The following PTGFR variants were observed in gnomAD, a reference collection of about 807,000 sequenced individuals.
PTGFR encodes the protein prostaglandin F2-alpha receptor.
Under a neutral mutation model 26.2 loss-of-function variants are expected in PTGFR, and 15 were observed. The ratio of observed to expected loss-of-function variants is 0.57; its 90% confidence interval spans 0.38 to 0.88. The LOEUF (loss-of-function observed/expected upper bound fraction) is 0.88, where lower values mean the gene tolerates loss of function less well. Among genes scored for constraint, PTGFR ranks in the 40% least tolerant of loss-of-function variants. The probability of loss-of-function intolerance (pLI) is 0.00; values close to 1 mark genes in which losing one functional copy is unlikely to be tolerated. For missense variants in PTGFR, 369 were observed against 427.2 expected (o/e 0.86, Z 1.20); for synonymous variants, 165 against 151.1 (o/e 1.09, Z -0.68).
At position 78,539,195 on chromosome 1, in the gene PTGFR, T is replaced by C. The variant is rs1650733340; in HGVS notation, c.*2508T>C. 1 of 151,888 alleles carries C rather than the reference T, an allele frequency of 6.6e-6. No individual in the cohort carries two copies. The highest frequency in any genetic ancestry group is 1.5e-5 in the Non-Finnish European group (1 of 67,942). The allele number at this position is 151,888 out of a possible 1,614,324, so 9.4% of individuals were successfully genotyped here. A position where few individuals can be genotyped will look rare whatever the true frequency, so the allele number is the denominator to read the frequency against. ...AGAGGCAGAAAGTTACTTCTAATGATCTATATAGCTAAAACGAAAAATACC... is the reference window on the plus strand; with the variant it reads ...AGAGGCAGAAAGTTACTTCTAATGACCTATATAGCTAAAACGAAAAATACC... On this transcript the variant is annotated 3_prime_UTR_variant, in exon 3 of 3. Coordinates refer to ENST00000370757, the MANE Select transcript of PTGFR (RefSeq NM_000959.4).
intron 2 of PTGFR, among the ~76,000 whole-genome samples, chr1:78,519,246 T>C (rs1650168022): frequency 6.6e-6 from 1 of 152,132 alleles, no homozygotes; most frequent in South Asian, 2.1e-4. Flanking sequence ...TAAGTTCATA[T>C]AGCCTATTGT....
chr1:78,524,881 G>T (rs1043533651), intron 2 of PTGFR, among the ~76,000 whole-genome samples: 3 of 135,982 alleles, frequency 2.2e-5, no homozygotes, highest in Non-Finnish European at 3.1e-5. Flanking sequence ...TTCATCTAAA[G>T]CTCTACACTT....
intron 2 of PTGFR, among the ~76,000 whole-genome samples, chr1:78,522,398 A>G (rs1057014163): frequency 7.9e-5 from 12 of 152,078 alleles, no homozygotes; most frequent in African/African-American, 2.7e-4. Flanking sequence ...ATATCTCATT[A>G]TATTCACAGG....
At chr1:78,492,260 G>C (rs1042212831) in intron 1 of PTGFR, among the ~76,000 whole-genome samples, 2 of 152,206 alleles carry the variant, frequency 1.3e-5, no homozygotes, top group Non-Finnish European at 2.9e-5. Flanking sequence ...TGGGGGCAAA[G>C]CCCACCAGAG....
At chr1:78,517,531 C>A (rs1316429704) in intron 2 of PTGFR, among the ~76,000 whole-genome samples, 1 of 152,088 alleles carries the variant, frequency 6.6e-6, no homozygotes, top group Non-Finnish European at 1.5e-5. Context: ...AAGGAGCCAG[C>A]CATGGGAAAT....
intron 2 of PTGFR, among the ~76,000 whole-genome samples, chr1:78,523,204 T>A (rs1488972673): frequency 6.6e-6 from 1 of 152,040 alleles, no homozygotes; most frequent in South Asian, 2.1e-4. Context: ...GTACACTATT[T>A]TTATTTGATT....
intron 2 of PTGFR, among the ~76,000 whole-genome samples, chr1:78,534,697 G>GTT (rs11464403): frequency 7.3e-5 from 11 of 150,166 alleles, no homozygotes; most frequent in East Asian, 5.9e-4. Context: ...TACATATTTG[G>GTT]TTTTTTTTTC....
intron 2 of PTGFR, among the ~76,000 whole-genome samples, chr1:78,500,648 G>C (rs1281281987): frequency 6.6e-6 from 1 of 152,160 alleles, no homozygotes; most frequent in Admixed American, 6.5e-5. Context: ...AAAGCTTCCT[G>C]CGTGCAGATG....
intron 2 of PTGFR, among the ~76,000 whole-genome samples, chr1:78,507,435 C>A (rs1326483389): frequency 6.6e-6 from 1 of 152,136 alleles, no homozygotes; most frequent in East Asian, 1.9e-4. Context: ...TGAAATACCA[C>A]ATTTAGATTT....
chr1:78,508,633 G>A (rs988359865), intron 2 of PTGFR, among the ~76,000 whole-genome samples: 11 of 152,100 alleles, frequency 7.2e-5, no homozygotes, highest in African/African-American at 2.7e-4. Context: ...TCAACAGTCC[G>A]GCCTGACTTT....
intron 2 of PTGFR, among the ~76,000 whole-genome samples, chr1:78,495,187 C>T (rs1357186426): frequency 6.6e-6 from 1 of 152,166 alleles, no homozygotes; most frequent in Non-Finnish European, 1.5e-5. Flanking sequence ...GCAAGTCAAC[C>T]TTTGGAGACC....
At chr1:78,509,277 A>T (rs973820453) in intron 2 of PTGFR, among the ~76,000 whole-genome samples, 1 of 152,322 alleles carries the variant, frequency 6.6e-6, no homozygotes, top group Middle Eastern at 3.4e-3. Context: ...AATGGTGGTC[A>T]TCAACGCCTG....
chr1:78,498,033 C>A, intron 2 of PTGFR: 4 of 996,688 alleles, frequency 4.0e-6, no homozygotes, highest in South Asian at 1.5e-5. Flanking sequence ...TATTTCTAGT[C>A]AACATAGTTA....
At position 78,493,141 on chromosome 1, in the gene PTGFR, G is replaced by A. The variant is rs775343965; in HGVS notation, c.398G>A (p.Arg133Gln). Residue 133 changes from arginine to glutamine, a missense_variant, in exon 2 of 3, where the codon CGG (arginine) becomes CAG (glutamine). Coordinates refer to ENST00000370757, the MANE Select transcript of PTGFR (RefSeq NM_000959.4). Reference protein sequence around the residue: ...LLLGSVMAIERCIGVTKPIFH... With the variant: ...LLLGSVMAIEQCIGVTKPIFH... ...CTAGGCAGTGTGATGGCCATTGAGC[G>A]GTGTATTGGAGTCACAAAACCAATA... 12 of 1,614,050 alleles carry A rather than the reference G, an allele frequency of 7.4e-6. No homozygotes were observed. The highest frequency in any genetic ancestry group is 1.3e-5 in the African/African-American group (1 of 74,924).
chr1:78,507,902 C>A (rs1310859608), intron 2 of PTGFR, among the ~76,000 whole-genome samples: 3 of 152,090 alleles, frequency 2.0e-5, no homozygotes, highest in South Asian at 2.1e-4. Flanking sequence ...GTTGTTATAT[C>A]GAAATTATTT....
At chr1:78,521,927 C>G (rs1650252110) in intron 2 of PTGFR, among the ~76,000 whole-genome samples, 1 of 152,108 alleles carries the variant, frequency 6.6e-6, no homozygotes. Context: ...CAGCATGAAA[C>G]AGCGCTCATC....
intron 2 of PTGFR, among the ~76,000 whole-genome samples, chr1:78,507,200 A>G (rs540058294): frequency 1.3e-5 from 2 of 152,198 alleles, no homozygotes; most frequent in Non-Finnish European, 2.9e-5. Context: ...ATCAGAGTTT[A>G]GCTACTCTGC....
chr1:78,522,408 G>C (rs552216146), intron 2 of PTGFR, among the ~76,000 whole-genome samples: 1 of 151,966 alleles, frequency 6.6e-6, no homozygotes, highest in Non-Finnish European at 1.5e-5. Context: ...ATATTCACAG[G>C]TTCCAGGGCC....
At chr1:78,518,279 C>T (rs919835417) in intron 2 of PTGFR, among the ~76,000 whole-genome samples, 1 of 152,056 alleles carries the variant, frequency 6.6e-6, no homozygotes, top group African/African-American at 2.4e-5. Flanking sequence ...GTTGGTTTAG[C>T]AAAGGACATT....
Sources: gnomAD v4.1 joint callset for allele counts (sites outside exome capture counted in the v4.1 genomes callset) on GRCh38, gnomAD v4.1.1 for gene constraint, MANE v1.5 for transcripts, NCBI Gene and HGNC (gene_info 2026-07-23, HGNC 2026-07-21) for gene names.